Variants in SLC28A1 observed in about 807,000 individuals in gnomAD.
The protein encoded by SLC28A1 is solute carrier family 28 member 1.
In SLC28A1, 64 loss-of-function variants were observed where a neutral mutation model predicts 74.8. The ratio of observed to expected loss-of-function variants is 0.86; its 90% CI spans 0.70 to 1.05. SLC28A1 has a LOEUF of 1.05. Ranked by LOEUF, SLC28A1 falls within the 50% of genes least tolerant of loss-of-function variation. The pLI is 0.00. For missense variants in SLC28A1, 828 were observed against 822.8 expected (o/e 1.01, Z -0.08); for synonymous variants, 359 against 335.0 (o/e 1.07, Z -0.78).
chr15:84,934,805 C>T lies in SLC28A1; in HGVS notation c.1215-221C>T, dbSNP rs558347316. 1.2e-4 allele frequency among the ~76,000 whole-genome samples: 18 copies of T among 152,298 alleles called. No homozygotes were observed. The East Asian group carries it at 3.5e-3, about 29-fold the overall frequency. On this transcript the variant is annotated intron_variant, in intron 13 of 18. Coordinates refer to ENST00000394573, the MANE Select transcript of SLC28A1 (RefSeq NM_004213.5). ...CAACTCAATTCAGACAGCCTCCTGT[C>T]ATGTGTGGCTGATGGCTTCCATCTT...
At chr15:84,898,835 C>T (rs4570812) in intron 6 of SLC28A1, among the ~76,000 whole-genome samples, 1 of 152,116 alleles carries the variant, frequency 6.6e-6, no homozygotes, top group Admixed American at 6.5e-5. Context: ...GGAAGGAAAA[C>T]TGAGGTGGGA....
Position 84,908,969 on chromosome 15 carries a change from A to G in SLC28A1, c.795+174A>G, listed in dbSNP as rs142948748. On this transcript the variant is annotated intron_variant, in intron 9 of 18. Coordinates refer to ENST00000394573, the MANE Select transcript of SLC28A1 (RefSeq NM_004213.5). ...GCCTGGGGCCCGGGAGGAGCCCAGCAATGTTCACCTCATGAGATGTTTTTG... is the reference window on the plus strand; with the variant it reads ...GCCTGGGGCCCGGGAGGAGCCCAGCGATGTTCACCTCATGAGATGTTTTTG... Among the ~76,000 whole-genome samples, 1,251 of 152,276 alleles carry G rather than the reference A, an allele frequency of 8.2e-3. 20 individuals are homozygous for G. The highest frequency in any genetic ancestry group is 0.029 in the African/African-American group (1,190 of 41,558).
intron 8 of SLC28A1, among the ~76,000 whole-genome samples, chr15:84,908,114 CAT>C (rs1262440797): frequency 6.6e-6 from 1 of 151,062 alleles, no homozygotes; most frequent in Non-Finnish European, 1.5e-5. Flanking sequence ...GCCTTCTTCA[CAT>C]GTCTCATGGT....
the SLC28A1 span, among the ~76,000 whole-genome samples, chr15:84,962,018 G>A: frequency 1.1e-4 from 16 of 152,008 alleles, no homozygotes; most frequent in Non-Finnish European, 1.8e-4. Context: ...AAAAGCTATC[G>A]GAAGTTGGTG....
chr15:84,895,437 C>A (rs377541097), intron 6 of SLC28A1: 14 of 1,613,814 alleles, frequency 8.7e-6, no homozygotes, highest in Non-Finnish European at 1.2e-5. Context: ...ATCACCTGGA[C>A]AGTGTGAGAC....
At chr15:84,931,207 G>GC (rs1233823055) in intron 12 of SLC28A1, among the ~76,000 whole-genome samples, 2 of 151,890 alleles carry the variant, frequency 1.3e-5, no homozygotes, top group Non-Finnish European at 2.9e-5. Context: ...TGCCTGGCCT[G>GC]CCCTCTGCTT....
chr15:84,910,722 G>A (rs544319586), intron 9 of SLC28A1, among the ~76,000 whole-genome samples: 1 of 152,046 alleles, frequency 6.6e-6, no homozygotes, highest in South Asian at 2.1e-4. Context: ...GAGCGAAACT[G>A]CATCTCAACA....
intron 12 of SLC28A1, among the ~76,000 whole-genome samples, chr15:84,925,420 G>C (rs1423643478): frequency 6.6e-6 from 1 of 152,074 alleles, no homozygotes; most frequent in African/African-American, 2.4e-5. Flanking sequence ...CCAACATGGT[G>C]AAATCTCATC....
At chr15:84,961,498 A>ATATTT in the SLC28A1 span, 3 of 453,328 alleles carry the variant, frequency 6.6e-6, no homozygotes, top group African/African-American at 4.0e-5. Flanking sequence ...CACCTGGCTA[A>ATATTT]TATTTTATTT....
At chr15:84,973,066 T>C in the SLC28A1 span, among the ~76,000 whole-genome samples, 58 of 138,472 alleles carry the variant, frequency 4.2e-4, no homozygotes, top group African/African-American at 1.9e-3. Flanking sequence ...CCCTGCATGG[T>C]CTGACTTTAT....
intron 10 of SLC28A1, 57 bp downstream of exon 10, chr15:84,918,661 C>T: frequency 7.5e-7 from 1 of 1,327,664 alleles, no homozygotes. Flanking sequence ...TCACAGGGTT[C>T]ACACTGTCCC....
intron 6 of SLC28A1, among the ~76,000 whole-genome samples, chr15:84,899,397 A>G (rs748258685): frequency 6.6e-6 from 1 of 152,210 alleles, no homozygotes; most frequent in Non-Finnish European, 1.5e-5. Flanking sequence ...TAGGATGACA[A>G]TTGGACACCC....
chr15:84,956,448 T>TTTCTTTCTTTCTTTCC, the SLC28A1 span, among the ~76,000 whole-genome samples: 2 of 73,702 alleles, frequency 2.7e-5, no homozygotes, highest in African/African-American at 1.1e-4. Flanking sequence ...CCTTCCTTTC[T>TTTCTTTCTTTCTTTCC]TTCTTTCTTT....
chr15:84,936,079 C>T (rs1001562432), intron 15 of SLC28A1, among the ~76,000 whole-genome samples: 3 of 149,868 alleles, frequency 2.0e-5, no homozygotes, highest in African/African-American at 7.4e-5. Context: ...CTCAGCCTCT[C>T]CAAGTAGCTG....
At chr15:84,937,222 G>A (rs146917477) in intron 15 of SLC28A1, among the ~76,000 whole-genome samples, 1,647 of 151,908 alleles carry the variant, frequency 0.011, 8 homozygotes, top group Non-Finnish European at 0.018. Flanking sequence ...CCTGCTGTTG[G>A]GCCATTCAGA....
intron 6 of SLC28A1, among the ~76,000 whole-genome samples, chr15:84,899,081 T>A (rs12905008): frequency 0.1 from 15,766 of 151,984 alleles, 1,076 homozygotes; most frequent in Non-Finnish European, 0.13. Context: ...ATACCTGGAA[T>A]CACACAGGGC....
rs2079142937 is a variant in SLC28A1, at chr15:84,944,874, G to A, written c.1874+7G>A. ...GCCGTGAGGCCTTCCAGAGGTGAGG[G>A]CCTGGGCTGTGGGACCTGCAGGGCA... On this transcript the variant is annotated splice_region_variant and intron_variant, in intron 18 of 18. Coordinates refer to ENST00000394573, the MANE Select transcript of SLC28A1 (RefSeq NM_004213.5). 2.5e-6 allele frequency: 4 copies of A among 1,598,310 alleles called. No homozygotes were observed. The highest frequency in any genetic ancestry group is 3.4e-6 in the Non-Finnish European group (4 of 1,165,918).
chr15:84,958,591 T>C, the SLC28A1 span, among the ~76,000 whole-genome samples: 1 of 152,084 alleles, frequency 6.6e-6, no homozygotes, highest in East Asian at 1.9e-4. Flanking sequence ...TCTCATTCTA[T>C]TACCCAGCCT....
the SLC28A1 span, among the ~76,000 whole-genome samples, chr15:84,958,043 A>T: frequency 6.6e-6 from 1 of 152,248 alleles, no homozygotes; most frequent in Admixed American, 6.5e-5. Flanking sequence ...CATTTATTAA[A>T]TTTATTCCTA....
Sources: gnomAD v4.1 joint callset for allele counts (sites outside exome capture counted in the v4.1 genomes callset) on GRCh38, gnomAD v4.1.1 for gene constraint, MANE v1.5 for transcripts, NCBI Gene and HGNC (gene_info 2026-07-23, HGNC 2026-07-21) for gene names.